Variants in CHRDL2 observed in about 807,000 individuals in gnomAD.
CHRDL2 encodes the protein chordin like 2, also known as chordin-like protein 2.
A neutral mutation model predicts 54.3 loss-of-function variants in CHRDL2; 41 were observed. That is an observed-to-expected ratio of 0.76 (90% CI 0.59 to 0.98). CHRDL2 has a LOEUF of 0.98. CHRDL2 is among the 50% of genes least tolerant of loss of function. The pLI, the probability that CHRDL2 is intolerant of heterozygous loss-of-function variation, is 0.00. For synonymous variants in CHRDL2, 220 were observed against 224.3 expected (o/e 0.98, Z 0.17); for missense variants, 518 against 562.4 (o/e 0.92, Z 0.80).
intron 2 of CHRDL2, 101 bp downstream of exon 2, chr11:74,718,619 C>T: frequency 1.3e-6 from 1 of 750,310 alleles, no homozygotes; most frequent in Non-Finnish European, 2.3e-6. Context: ...CTGCCGCTGA[C>T]AGCACAGTTC....
chr11:74,708,341 G>C lies in CHRDL2; in HGVS notation c.487C>G (p.Pro163Ala), dbSNP rs956468651. Residue 163 changes from proline to alanine, a missense_variant, in exon 5 of 11, where the codon CCC becomes GCC. By Grantham distance (27) the Pro-to-Ala change is conservative. Coordinates refer to ENST00000376332, the MANE Select transcript of CHRDL2 (RefSeq NM_001278473.3). ...CAGCAGGAGTCTGGCAGCGGGAGGG[G>C]TGCTGGGCAGCCTGGTTCGGGGCAG... Reference protein sequence around the residue: ...TTCPEPGCPAPLPLPDSCCQA... With the variant: ...TTCPEPGCPAALPLPDSCCQA... The C allele has an allele frequency of 3.2e-6, 5 of 1,583,792 alleles. No individual in the cohort carries two copies. Among genetic ancestry groups the C allele is most frequent in the Non-Finnish European group, 3.4e-6 (4 of 1,168,492 alleles).
At chr11:74,716,223 G>C (rs1023548489) in intron 2 of CHRDL2, among the ~76,000 whole-genome samples, 5 of 151,772 alleles carry the variant, frequency 3.3e-5, no homozygotes, top group Non-Finnish European at 5.9e-5. Flanking sequence ...CTGCAGCAGA[G>C]TGAGCAGGTA....
At chr11:74,704,710 G>A (rs764850077) in intron 6 of CHRDL2, 56 bp from the exon 7 acceptor site, 1 of 1,553,998 alleles carries the variant, frequency 6.4e-7, no homozygotes, top group South Asian at 1.2e-5. Context: ...GCCCCAGCTG[G>A]AGCCAGAACA....
At chr11:74,713,249 C>T (rs1361109875) in intron 3 of CHRDL2, 137 bp downstream of exon 3, 2 of 685,908 alleles carry the variant, frequency 2.9e-6, no homozygotes, top group Non-Finnish European at 4.9e-6. Context: ...TATTTCCTCC[C>T]TTGAGCACCT....
intron 2 of CHRDL2, among the ~76,000 whole-genome samples, chr11:74,715,327 C>T (rs552289227): frequency 6.0e-4 from 91 of 152,266 alleles, no homozygotes; most frequent in African/African-American, 1.9e-3. Context: ...GCAAGGACCA[C>T]GCACAGTGGC....
intron 9 of CHRDL2, 26 bp downstream of exon 9, chr11:74,702,768 C>T: frequency 6.2e-7 from 1 of 1,612,604 alleles, no homozygotes; most frequent in Non-Finnish European, 8.5e-7. Flanking sequence ...AGAGGTACAC[C>T]CCACTGGGAG....
chr11:74,700,337 G>C (rs2033758107), intron 9 of CHRDL2, among the ~76,000 whole-genome samples: 1 of 152,234 alleles, frequency 6.6e-6, no homozygotes, highest in Non-Finnish European at 1.5e-5. Flanking sequence ...TGGCTGCAGT[G>C]TACCCTTTTT....
intron 9 of CHRDL2, 42 bp from the exon 10 acceptor site, chr11:74,697,339 C>T (rs10751240): frequency 0.85 from 1,267,920 of 1,490,230 alleles, 540,680 homozygotes; most frequent in Non-Finnish European, 0.86. Flanking sequence ...AGGCAAAAAC[C>T]TACAGTCGGT....
At chr11:74,700,627 T>C (rs2033772583) in intron 9 of CHRDL2, among the ~76,000 whole-genome samples, 1 of 139,056 alleles carries the variant, frequency 7.2e-6, no homozygotes, top group African/African-American at 2.7e-5. Flanking sequence ...TTTTTTTTAT[T>C]ATTATTATTA....
At chr11:74,708,452 G>C in intron 4 of CHRDL2, 57 bp from the exon 5 acceptor site, 1 of 1,317,706 alleles carries the variant, frequency 7.6e-7, no homozygotes, top group Non-Finnish European at 1.0e-6. Flanking sequence ...TAGCCTTGGG[G>C]GCTAGGAACA....
intron 1 of CHRDL2, among the ~76,000 whole-genome samples, chr11:74,725,417 C>T (rs906516986): frequency 1.3e-5 from 2 of 152,202 alleles, no homozygotes; most frequent in Non-Finnish European, 2.9e-5. Context: ...TTCCAGCTCC[C>T]TGCCATCTGA....
intron 4 of CHRDL2, 29 bp from the exon 5 acceptor site, chr11:74,708,424 A>G: frequency 6.7e-7 from 1 of 1,501,864 alleles, no homozygotes; most frequent in African/African-American, 1.4e-5. Context: ...CAGCTGGGAA[A>G]TGAGCTCTGA....
At chr11:74,722,060 G>T (rs1441218312) in intron 1 of CHRDL2, among the ~76,000 whole-genome samples, 2 of 152,136 alleles carry the variant, frequency 1.3e-5, no homozygotes, top group Non-Finnish European at 2.9e-5. Context: ...GCTCTCAGAG[G>T]CTCCAAAGTG....
chr11:74,730,927 T>G lies in CHRDL2; in HGVS notation c.-39A>C. 2 of 1,553,244 alleles carry G rather than the reference T, an allele frequency of 1.3e-6. No homozygotes were observed. Among genetic ancestry groups the G allele is most frequent in the Non-Finnish European group, 1.8e-6 (2 of 1,142,818 alleles). ...TCAGGCCGCTGGTCCGGGAGCGGAGTCGGGAGGAAGGGAGACGAAAAGGAC... is the reference window on the plus strand; with the variant it reads ...TCAGGCCGCTGGTCCGGGAGCGGAGGCGGGAGGAAGGGAGACGAAAAGGAC... On this transcript the variant is annotated 5_prime_UTR_variant, in exon 1 of 11. Transcript: ENST00000376332.
intron 9 of CHRDL2, chr11:74,701,678 C>A: frequency 1.4e-6 from 1 of 701,140 alleles, no homozygotes; most frequent in Non-Finnish European, 2.7e-6. Context: ...ATCTAACTCT[C>A]AGGATCGTTG....
chr11:74,728,001 G>T (rs1382346777), intron 1 of CHRDL2, among the ~76,000 whole-genome samples: 16 of 152,180 alleles, frequency 1.1e-4, no homozygotes, highest in Admixed American at 9.8e-4. Context: ...ACCCAGCCTG[G>T]GTAAGGGGTC....
At chr11:74,702,071 T>C (rs1479757492) in intron 9 of CHRDL2, among the ~76,000 whole-genome samples, 1 of 151,864 alleles carries the variant, frequency 6.6e-6, no homozygotes, top group Non-Finnish European at 1.5e-5. Flanking sequence ...CTGGGCAACA[T>C]GGCAAAACCC....
intron 1 of CHRDL2, among the ~76,000 whole-genome samples, chr11:74,722,876 G>C (rs1486907767): frequency 6.6e-6 from 1 of 152,206 alleles, no homozygotes; most frequent in Non-Finnish European, 1.5e-5. Context: ...GCAGGAGTGA[G>C]AGGCAAGAGA....
Position 74,718,729 on chromosome 11 carries a change from G to A in CHRDL2, c.186C>T (p.Thr62=). ...PQGLMYCLRC[T]CSEGAHVSCY... ...GGCCAGAGGAACCTACCTCTGAGCAGGTACAGCGCAGGCAGTACATCAGGC... is the reference window on the plus strand; with the variant it reads ...GGCCAGAGGAACCTACCTCTGAGCAAGTACAGCGCAGGCAGTACATCAGGC... Residue 62 remains threonine (T), a synonymous_variant, in exon 2 of 11, where the codon ACC becomes ACT. Transcript: ENST00000376332. 6.2e-7 allele frequency: 1 copy of A among 1,609,232 alleles called. No individual in the cohort carries two copies. The highest frequency in any genetic ancestry group is 8.5e-7 in the Non-Finnish European group (1 of 1,176,008).
Sources: gnomAD v4.1 joint callset for allele counts (sites outside exome capture counted in the v4.1 genomes callset) on GRCh38, gnomAD v4.1.1 for gene constraint, MANE v1.5 for transcripts, NCBI Gene and HGNC (gene_info 2026-07-23, HGNC 2026-07-21) for gene names.